GRID1: variants seen among roughly 807,000 people sequenced by gnomAD.
GRID1 encodes the protein glutamate receptor ionotropic, delta-1.
Under a neutral mutation model 98.0 loss-of-function variants are expected in GRID1, and 28 were observed. The ratio of observed to expected loss-of-function variants is 0.29; its 90% CI spans 0.21 to 0.39. The LOEUF (loss-of-function observed/expected upper bound fraction) is 0.39. Among genes scored for constraint, GRID1 ranks in the 10% least tolerant of loss-of-function variants. The pLI, the probability that GRID1 is intolerant of heterozygous loss-of-function variation, is 1.00. For missense variants in GRID1, 1,111 were observed against 1,340.5 expected, an observed-to-expected ratio of 0.83 and a Z score of 2.67; for synonymous variants, 553 against 538.5, an observed-to-expected ratio of 1.03 and a Z score of -0.37.
At chr10:85,622,408 CT>C (rs939729566) in intron 13 of GRID1, among the ~76,000 whole-genome samples, 2 of 151,942 alleles carry the variant, frequency 1.3e-5, no homozygotes, top group African/African-American at 4.8e-5. Flanking sequence ...TTTATTTTTT[CT>C]TTTTTTTAAA....
At chr10:86,071,652 T>A (rs1051695734) in intron 4 of GRID1, among the ~76,000 whole-genome samples, 1 of 152,190 alleles carries the variant, frequency 6.6e-6, no homozygotes, top group African/African-American at 2.4e-5. Flanking sequence ...AACAAATATT[T>A]TCAGAGCACT....
chr10:86,139,705 A>C (rs1270547829), intron 3 of GRID1, among the ~76,000 whole-genome samples: 2 of 152,220 alleles, frequency 1.3e-5, no homozygotes, highest in African/African-American at 4.8e-5. Flanking sequence ...TGGATCAGGG[A>C]TGAGCAGGGG....
Position 86,206,718 on chromosome 10 carries a change from G to T in GRID1, c.236-70C>A. The T allele has an allele frequency of 1.4e-6, 2 of 1,432,050 alleles. No individual in the cohort carries two copies. Among genetic ancestry groups the T allele is most frequent in the Non-Finnish European group, 1.9e-6 (2 of 1,045,408 alleles). The allele number at this position is 1,432,050 out of a possible 1,614,324, so 88.7% of individuals were successfully genotyped here. On this transcript the variant is annotated intron_variant, in intron 2 of 15. Coordinates refer to ENST00000327946, the MANE Select transcript of GRID1 (RefSeq NM_017551.3). This position sits in a 1 kb window ranked among gnomAD's most constrained non-coding sequence, Gnocchi z 4.1. The stretch of plus-strand genomic sequence containing the variant: ...ATGCTGCACCAGCTTCAACCTGCAG[G>T]CCCCATGCCTGGCAGCTCATGCCCA...
chr10:86,047,949 A>G (rs1843447797), intron 4 of GRID1, among the ~76,000 whole-genome samples: 2 of 152,154 alleles, frequency 1.3e-5, no homozygotes, highest in African/African-American at 4.8e-5. Context: ...CCAGGAGGAA[A>G]ATAACGGTTG....
chr10:85,840,170 A>C (rs1842949193), intron 8 of GRID1, among the ~76,000 whole-genome samples: 1 of 152,128 alleles, frequency 6.6e-6, no homozygotes. Flanking sequence ...ATTCTACCTG[A>C]GGTACTAAGA....
intron 12 of GRID1, among the ~76,000 whole-genome samples, chr10:85,665,940 G>A (rs774762545): frequency 4.6e-5 from 7 of 152,148 alleles, no homozygotes; most frequent in Non-Finnish European, 8.8e-5. Context: ...CCACCAAGGC[G>A]AGGGTGGAGA....
At chr10:85,619,588 T>A (rs930939748) in intron 14 of GRID1, among the ~76,000 whole-genome samples, 2 of 152,154 alleles carry the variant, frequency 1.3e-5, no homozygotes, top group African/African-American at 4.8e-5. Context: ...TACCCTAGCA[T>A]CCTGAAGACG....
chr10:85,676,467 T>G (rs1484065756), intron 12 of GRID1, among the ~76,000 whole-genome samples: 2 of 152,208 alleles, frequency 1.3e-5, no homozygotes, highest in Non-Finnish European at 2.9e-5. Context: ...CTCACTCTAT[T>G]TCCCTCATTC....
At chr10:86,296,792 TACATAC>T (rs1847599019) in intron 2 of GRID1, among the ~76,000 whole-genome samples, 1 of 7,348 alleles carries the variant, frequency 1.4e-4, no homozygotes, top group African/African-American at 1.0e-3. Flanking sequence ...CACACATACA[TACATAC>T]ATACATACAT....
intron 2 of GRID1, among the ~76,000 whole-genome samples, chr10:86,347,893 C>T (rs1033751790): frequency 4.6e-5 from 7 of 152,150 alleles, no homozygotes; most frequent in African/African-American, 9.7e-5. Flanking sequence ...CAAACACACA[C>T]GTGGGCCACA....
chr10:86,269,830 G>A (rs540479290), intron 2 of GRID1, among the ~76,000 whole-genome samples: 1 of 152,158 alleles, frequency 6.6e-6, no homozygotes, highest in East Asian at 1.9e-4. Context: ...ATTGACCATC[G>A]CCTAGGTGTA....
chr10:85,961,760 C>T (rs1842270322), intron 4 of GRID1, among the ~76,000 whole-genome samples: 1 of 151,842 alleles, frequency 6.6e-6, no homozygotes, highest in African/African-American at 2.4e-5. Flanking sequence ...TTCCTTCCTC[C>T]CTCTCTTCCC....
chr10:86,209,349 C>T (rs1472983314), intron 2 of GRID1, among the ~76,000 whole-genome samples: 1 of 152,198 alleles, frequency 6.6e-6, no homozygotes, highest in Admixed American at 6.5e-5. Flanking sequence ...ATTCTCTTGG[C>T]GTCCTTTGTA....
chr10:86,139,916 C>CTCTTAGCAGCAG (rs1844987172), intron 3 of GRID1, among the ~76,000 whole-genome samples: 1 of 152,244 alleles, frequency 6.6e-6, no homozygotes, highest in Non-Finnish European at 1.5e-5. Context: ...CCAAAATCAT[C>CTCTTAGCAGCAG]TCTTAGCAGC....
At chr10:85,922,922 G>T (rs949337827) in intron 4 of GRID1, among the ~76,000 whole-genome samples, 1 of 152,028 alleles carries the variant, frequency 6.6e-6, no homozygotes, top group Admixed American at 6.6e-5. Context: ...AACGTCCCAA[G>T]ATGCTGACTC....
chr10:85,659,714 G>T (rs774284748), intron 12 of GRID1, among the ~76,000 whole-genome samples: 3 of 152,206 alleles, frequency 2.0e-5, no homozygotes, highest in Non-Finnish European at 4.4e-5. Context: ...AAAGGGAATT[G>T]GGAGGAGAAG....
At chr10:85,764,460 G>A (rs1842177744) in intron 8 of GRID1, among the ~76,000 whole-genome samples, 1 of 152,178 alleles carries the variant, frequency 6.6e-6, no homozygotes, top group African/African-American at 2.4e-5. Flanking sequence ...AATGGACAAG[G>A]TTCCCCTGGT....
rs747384280 is a variant in GRID1, at chr10:85,728,009, G to A, written c.1379C>T (p.Pro460Leu). ...TATGGAGAACCCTTTGTAGCGCTTG[G>A]GCTGTCCTAGGATGTTCTCAGCCAC... Reference protein sequence around the residue: ...VMVAENILGQPKRYKGFSIDV... With the variant: ...VMVAENILGQLKRYKGFSIDV... The change falls in exon 10 of 16, where the codon CCC becomes CTC. Residue 460 changes from proline to leucine, a missense_variant. Pro to Leu is a moderately conservative substitution (Grantham distance 98). Coordinates refer to ENST00000327946, the MANE Select transcript of GRID1 (RefSeq NM_017551.3). The A allele has an allele frequency of 6.2e-7, 1 of 1,613,702 alleles. No homozygotes were observed. Among genetic ancestry groups the A allele is most frequent in the Admixed American group, 1.7e-5 (1 of 60,012 alleles).
intron 12 of GRID1, among the ~76,000 whole-genome samples, chr10:85,692,534 G>A (rs541753259): frequency 1.3e-5 from 2 of 151,866 alleles, no homozygotes; most frequent in East Asian, 3.9e-4. Context: ...GTGATGGCGT[G>A]TGCCTGTGGT....
Sources: gnomAD v4.1 joint callset for allele counts (sites outside exome capture counted in the v4.1 genomes callset) on GRCh38, gnomAD v4.1.1 for gene constraint, Gnocchi (gnomAD v3.1) non-coding constraint, MANE v1.5 for transcripts, NCBI Gene and HGNC (gene_info 2026-07-23, HGNC 2026-07-21) for gene names.